The following SEC14L6 variants were observed in gnomAD, a reference collection of about 807,000 sequenced individuals.
SEC14L6 encodes SEC14-like protein 6.
Under a neutral mutation model 54.1 loss-of-function variants are expected in SEC14L6, and 40 were observed. The ratio of observed to expected loss-of-function variants is 0.74; its 90% CI spans 0.57 to 0.96. The LOEUF (loss-of-function observed/expected upper bound fraction) is 0.96. Among genes scored for constraint, SEC14L6 ranks in the 40% least tolerant of loss-of-function variants. SEC14L6 has a pLI of 0.00. For synonymous variants in SEC14L6, 171 were observed against 198.4 expected (o/e 0.86, Z 1.16); for missense variants, 471 against 498.3 (o/e 0.95, Z 0.52).
chr22:30,529,389 C>G (rs1017420917), intron 6 of SEC14L6, 40 bp from the exon 7 acceptor site: 4 of 1,511,370 alleles, frequency 2.6e-6, no homozygotes, highest in Non-Finnish European at 3.6e-6. Flanking sequence ...CGTCTGAACA[C>G]TGTCCCCTTG....
chr22:30,529,484 C>T (rs1936897569), intron 6 of SEC14L6, 135 bp from the exon 7 acceptor site: 1 of 687,832 alleles, frequency 1.5e-6, no homozygotes, highest in Admixed American at 2.4e-5. Context: ...ATGCAGACGG[C>T]TCCCGATGCC....
chr22:30,540,790 G>A (rs901069743), intron 1 of SEC14L6, among the ~76,000 whole-genome samples: 5 of 151,580 alleles, frequency 3.3e-5, no homozygotes, highest in South Asian at 2.1e-4. Context: ...AGGCCAAGGC[G>A]GGCAGATCAC....
chr22:30,532,232 C>T (rs907080925), intron 5 of SEC14L6: 28 of 985,446 alleles, frequency 2.8e-5, no homozygotes, highest in African/African-American at 2.4e-4. Context: ...GTTCCCTCTT[C>T]GGTCCAGTGG....
At chr22:30,543,374 TG>T in intron 1 of SEC14L6, 2 of 1,581,418 alleles carry the variant, frequency 1.3e-6, no homozygotes, top group South Asian at 2.2e-5. Flanking sequence ...GAGAACCAGG[TG>T]AATATCACCT....
chr22:30,526,194 C>T (rs552463784), intron 8 of SEC14L6, among the ~76,000 whole-genome samples: 134 of 152,360 alleles, frequency 8.8e-4, no homozygotes, highest in African/African-American at 3.1e-3. Context: ...GCCCTGCCCC[C>T]ACATCTGTCC....
chr22:30,542,641 G>A (rs1039919924), intron 1 of SEC14L6: 478 of 1,545,604 alleles, frequency 3.1e-4, no homozygotes, highest in Non-Finnish European at 3.9e-4. Context: ...CGCGTCCTGC[G>A]CCTGGTCAGG....
intron 2 of SEC14L6, among the ~76,000 whole-genome samples, 184 bp downstream of exon 2, chr22:30,538,643 T>C (rs1215265872): frequency 1.3e-5 from 2 of 152,220 alleles, no homozygotes; most frequent in Non-Finnish European, 2.9e-5. Flanking sequence ...TGAGAGACCC[T>C]GAGTCAGAAA....
rs771434235 is a variant in SEC14L6, at chr22:30,525,872, C to G, written c.725G>C (p.Gly242Ala). Reference sequence around the variant, plus strand: ...GCCATCGGGGTCAGTCATGGTCCCCCCAAACTCCACGGGCAGCTGGTCGGG... The same window carrying G: ...GCCATCGGGGTCAGTCATGGTCCCCGCAAACTCCACGGGCAGCTGGTCGGG... ...ISPDQLPVEF[G>A]GTMTDPDGNP... The change falls in exon 9 of 12, where the codon GGG (glycine) becomes GCG (alanine). Residue 242 changes from glycine (G) to alanine (A), a missense_variant. Transcript: ENST00000402034. 5.0e-6 allele frequency: 8 copies of G among 1,613,694 alleles called. No homozygotes were observed. Among genetic ancestry groups the G allele is most frequent in the South Asian group, 4.4e-5 (4 of 91,012 alleles).
intron 1 of SEC14L6, chr22:30,543,585 A>G: frequency 1.9e-6 from 3 of 1,613,686 alleles, no homozygotes; most frequent in Non-Finnish European, 2.5e-6. Flanking sequence ...ACGGGCAGTC[A>G]GCGGTCAGCA....
Position 30,539,008 on chromosome 22 carries a change from C to T in SEC14L6, c.55-106G>A, listed in dbSNP as rs1029452615. On this transcript the variant is annotated intron_variant, in intron 1 of 11. Coordinates refer to ENST00000402034, the MANE Select transcript of SEC14L6 (RefSeq NM_001193336.4). ...GATGTCTGAGTGAAGAGGTCCCACT[C>T]GGGCTGGGAGGATCAGGGTCCGGGT... is the stretch of plus-strand genomic sequence containing the variant. The T allele has an allele frequency of 4.2e-5, 31 of 742,214 alleles. 1 individual carries two copies. The highest frequency in any genetic ancestry group is 3.7e-4 in the South Asian group (22 of 59,536). 46.0% of individuals were successfully genotyped at this position (742,214 alleles called of 1,614,324 possible).
Position 30,524,256 on chromosome 22 carries a change from C to G in SEC14L6, c.*741G>C, listed in dbSNP as rs1936693447. 6.6e-6 allele frequency: 1 copy of G among 152,236 alleles called. No homozygotes were observed. Among genetic ancestry groups the G allele is most frequent in the South Asian group, 2.1e-4 (1 of 4,834 alleles). The allele number at this position is 152,236 out of a possible 1,614,324, so 9.4% of individuals were successfully genotyped here. ...TGATGCCTCCCTGGGGACCCCTCCT[C>G]TTCCCCCTATGGCACAGCGGCCCCT... On this transcript the variant is annotated 3_prime_UTR_variant, in exon 12 of 12. Transcript: ENST00000402034.
Position 30,529,131 on chromosome 22 carries a change from G to C in SEC14L6, c.620C>G (p.Ser207Cys). ...CCTGCGTGTCTCTTCACTCATGTAAGACTTGACCAGGTTGAAGGCTACGGC... is the reference window on the plus strand; with the variant it reads ...CCTGCGTGTCTCTTCACTCATGTAACACTTGACCAGGTTGAAGGCTACGGC... ...LFAVAFNLVK[S>C]YMSEETRRKV... Residue 207 changes from serine (S) to cysteine (C), a missense_variant, in exon 8 of 12, where the codon TCT becomes TGT. Ser to Cys is a moderately radical substitution (Grantham distance 112). Coordinates refer to ENST00000402034, the MANE Select transcript of SEC14L6 (RefSeq NM_001193336.4). The C allele has an allele frequency of 6.4e-7, 1 of 1,551,324 alleles. No homozygotes were observed. Among genetic ancestry groups the C allele is most frequent in the Non-Finnish European group, 8.7e-7 (1 of 1,147,236 alleles).
intron 3 of SEC14L6, 24 bp from the exon 4 acceptor site, chr22:30,532,880 G>A (rs1937032562): frequency 6.2e-7 from 1 of 1,610,072 alleles, no homozygotes; most frequent in African/African-American, 1.3e-5. Flanking sequence ...GCAGGAGGTG[G>A]TGAAGATTCT....
At position 30,524,939 on chromosome 22, in the gene SEC14L6, G is replaced by T; in HGVS notation, c.*58C>A. 1.1e-6 allele frequency: 1 copy of T among 894,628 alleles called. No individual in the cohort carries two copies. The highest frequency in any genetic ancestry group is 1.8e-6 in the Non-Finnish European group (1 of 548,886). 55.4% of individuals were successfully genotyped at this position (894,628 alleles called of 1,614,324 possible). A position where few individuals can be genotyped will look rare whatever the true frequency, so the allele number is the denominator to read the frequency against. ...GAACAGGGTCTGGCCAGGGAAGGCT[G>T]TGAACTCATTGTGGATTCAGAGATC... On this transcript the variant is annotated 3_prime_UTR_variant, in exon 12 of 12. Transcript: ENST00000402034.
Position 30,524,959 on chromosome 22 carries a change from G to T in SEC14L6, c.*38C>A. ...AGGCTGTGAACTCATTGTGGATTCA[G>T]AGATCAAAGAGGAGGGTGTGGGGAC... On this transcript the variant is annotated 3_prime_UTR_variant, in exon 12 of 12. Transcript: ENST00000402034. The T allele has an allele frequency of 9.6e-7, 1 of 1,044,076 alleles. No individual in the cohort carries two copies. Among genetic ancestry groups the T allele is most frequent in the South Asian group, 1.4e-5 (1 of 73,908 alleles). 64.7% of individuals were successfully genotyped at this position (1,044,076 alleles called of 1,614,324 possible).
chr22:30,527,312 G>T (rs1382020080), intron 8 of SEC14L6, among the ~76,000 whole-genome samples: 1 of 151,612 alleles, frequency 6.6e-6, no homozygotes, highest in Non-Finnish European at 1.5e-5. Context: ...ACACAAGAAG[G>T]CAATAAACAA....
At chr22:30,533,013 A>G (rs1331577625) in intron 3 of SEC14L6, 157 bp from the exon 4 acceptor site, 1 of 985,262 alleles carries the variant, frequency 1.0e-6, no homozygotes, top group East Asian at 1.1e-4. Flanking sequence ...GGATGGAAAC[A>G]GGATGGGGAT....
At position 30,525,745 on chromosome 22, in the gene SEC14L6, G is replaced by C. The variant is rs765540596; in HGVS notation, c.777C>G (p.Asn259Lys). 1 of 1,614,006 alleles carries C rather than the reference G, an allele frequency of 6.2e-7. No individual in the cohort carries two copies. The highest frequency in any genetic ancestry group is 1.1e-5 in the South Asian group (1 of 91,074). The change falls in exon 10 of 12, where the codon AAC becomes AAG. Residue 259 changes from asparagine (N) to lysine (K), a missense_variant. Asn to Lys is a moderately conservative substitution (Grantham distance 94, BLOSUM62 0). Transcript: ENST00000402034. ...AGCTCTTGGGCACCTCACCCCCGTA[G>C]TTGATCTGTGGGTGAAGGGGGTGTG... Reference protein sequence around the residue: ...DGNPKCLTKINYGGEVPKSYY... With the variant: ...DGNPKCLTKIKYGGEVPKSYY...
In SEC14L6 at chr22:30,528,676, G is replaced by A. The variant is rs536826149; in HGVS notation, c.664+411C>T. On this transcript the variant is annotated intron_variant, in intron 8 of 11. Transcript: ENST00000402034. ...TGAGCTCAAGCAATCTTCCTGTCTC[G>A]GCCTCCCAAAGTGCTGGGATTACAG... is the stretch of plus-strand genomic sequence containing the variant. 5.9e-5 allele frequency among the ~76,000 whole-genome samples: 9 copies of A among 151,684 alleles called. 1 individual carries two copies. In the South Asian group the frequency reaches 8.3e-4, roughly 14 times the overall value.
Sources: gnomAD v4.1 joint callset for allele counts (sites outside exome capture counted in the v4.1 genomes callset) on GRCh38, gnomAD v4.1.1 for gene constraint, MANE v1.5 for transcripts, NCBI Gene and HGNC (gene_info 2026-07-23, HGNC 2026-07-21) for gene names.